DSCAM: variants seen among roughly 807,000 people sequenced by gnomAD.
DSCAM encodes cell adhesion molecule DSCAM.
In DSCAM, 47 loss-of-function variants were observed where a neutral mutation model predicts 217.7. That is an observed-to-expected ratio of 0.22 (90% CI 0.17 to 0.28). The LOEUF (loss-of-function observed/expected upper bound fraction) is 0.28. Among genes scored for constraint, DSCAM ranks in the 10% least tolerant of loss-of-function variants. The pLI, the probability that DSCAM is intolerant of heterozygous loss-of-function variation, is 1.00. For synonymous variants in DSCAM, 1,056 were observed against 1,015.3 expected, an observed-to-expected ratio of 1.04 and a Z score of -0.76; for missense variants, 2,080 against 2,618.3, an observed-to-expected ratio of 0.79 and a Z score of 4.49.
chr21:40,552,402 G>A (rs1276686173), intron 3 of DSCAM, among the ~76,000 whole-genome samples: 2 of 152,198 alleles, frequency 1.3e-5, no homozygotes, highest in African/African-American at 4.8e-5. Context: ...AAGAAGAGCT[G>A]CCTTTAGCAC....
intron 11 of DSCAM, among the ~76,000 whole-genome samples, chr21:40,208,755 A>G (rs2091152394): frequency 6.6e-6 from 1 of 152,130 alleles, no homozygotes; most frequent in Non-Finnish European, 1.5e-5. Context: ...CCTACACAAA[A>G]TCCCCTTGGG....
chr21:40,013,833 C>T (rs2837374), intron 32 of DSCAM, among the ~76,000 whole-genome samples: 46,008 of 152,068 alleles, frequency 0.3, 7,526 homozygotes, highest in Middle Eastern at 0.43. Context: ...GGCTCTCGTC[C>T]TGGCAATTCT....
intron 11 of DSCAM, among the ~76,000 whole-genome samples, chr21:40,267,102 C>T (rs2073548391): frequency 6.6e-6 from 1 of 151,708 alleles, no homozygotes; most frequent in African/African-American, 2.4e-5. Context: ...ATGATAGGTG[C>T]ATTAAAATCC....
chr21:40,435,966 A>G (rs2075578977), intron 3 of DSCAM, among the ~76,000 whole-genome samples: 2 of 152,216 alleles, frequency 1.3e-5, no homozygotes, highest in Admixed American at 1.3e-4. Context: ...AAAAACAACC[A>G]TGAGACATTC....
Position 40,142,692 on chromosome 21 carries a change from G to C in DSCAM, c.3272C>G (p.Pro1091Arg). The C allele has an allele frequency of 6.2e-7, 1 of 1,613,856 alleles. No individual in the cohort carries two copies. Among genetic ancestry groups the C allele is most frequent in the East Asian group, 2.2e-5 (1 of 44,884 alleles). ...TGCTATGGCTTGGACATTTTCGGGG[G>C]GGTAACTGGGCACTGAAATCAAATA... Reference protein sequence around the residue: ...TTTLEDVPSYPPENVQAIATS... With the variant: ...TTTLEDVPSYRPENVQAIATS... Residue 1091 changes from proline to arginine, a missense_variant, in exon 18 of 33, where the codon CCC (proline) becomes CGC (arginine). Physicochemically the swap from Pro to Arg is moderately radical, Grantham distance 103. Around this residue, in one of 5 missense-constraint regions of DSCAM, gnomAD observed 1,144 missense variants for 1,421.1 expected, o/e 0.81. Transcript: ENST00000400454.
chr21:40,144,964 C>T lies in DSCAM; in HGVS notation c.3019-233G>A, dbSNP rs2090337484. ...CTCCCAGCCCCTCTGAGCCACTGGACCGTCAATGGACACAGGAGGTCACCT... is the reference window on the plus strand; with the variant it reads ...CTCCCAGCCCCTCTGAGCCACTGGATCGTCAATGGACACAGGAGGTCACCT... On this transcript the variant is annotated intron_variant, in intron 16 of 32. Coordinates refer to ENST00000400454, the MANE Select transcript of DSCAM (RefSeq NM_001389.5). This position sits in a 1 kb window ranked among gnomAD's most constrained non-coding sequence, Gnocchi z 4.8. Among the ~76,000 whole-genome samples the T allele has an allele frequency of 1.3e-5, 2 of 152,190 alleles. No homozygotes were observed. Among genetic ancestry groups the T allele is most frequent in the South Asian group, 4.1e-4 (2 of 4,832 alleles).
intron 3 of DSCAM, among the ~76,000 whole-genome samples, chr21:40,436,229 C>T (rs1291846452): frequency 6.6e-6 from 1 of 152,146 alleles, no homozygotes; most frequent in Non-Finnish European, 1.5e-5. Context: ...GTCTCTGTAT[C>T]AATTGTAGTG....
intron 3 of DSCAM, among the ~76,000 whole-genome samples, chr21:40,413,541 C>T (rs1301681568): frequency 1.3e-5 from 2 of 152,206 alleles, no homozygotes; most frequent in Non-Finnish European, 2.9e-5. Context: ...TTGTTTTTGC[C>T]AATTTCTCCT....
intron 15 of DSCAM, among the ~76,000 whole-genome samples, chr21:40,171,208 G>C (rs1410421294): frequency 6.6e-6 from 1 of 152,148 alleles, no homozygotes; most frequent in Non-Finnish European, 1.5e-5. Context: ...CTCCCAAGTA[G>C]TTGGGATTAC....
At chr21:40,329,523 A>T (rs1480034544) in intron 8 of DSCAM, among the ~76,000 whole-genome samples, 1 of 151,950 alleles carries the variant, frequency 6.6e-6, no homozygotes, top group East Asian at 1.9e-4. Flanking sequence ...CTGAGGCAGG[A>T]GAATCACTTG....
intron 1 of DSCAM, among the ~76,000 whole-genome samples, chr21:40,755,683 C>G (rs1423303033): frequency 6.6e-6 from 1 of 152,078 alleles, no homozygotes; most frequent in Non-Finnish European, 1.5e-5. Flanking sequence ...CCTGGCCCCC[C>G]AAGGTATAGG....
At chr21:40,164,836 G>A (rs914714143) in intron 16 of DSCAM, among the ~76,000 whole-genome samples, 1 of 152,000 alleles carries the variant, frequency 6.6e-6, no homozygotes, top group East Asian at 1.9e-4. Flanking sequence ...AAATAAAAGT[G>A]GAAAGTTGCT....
intron 3 of DSCAM, among the ~76,000 whole-genome samples, chr21:40,627,938 G>A (rs1337522823): frequency 6.6e-6 from 1 of 152,140 alleles, no homozygotes; most frequent in Admixed American, 6.5e-5. Flanking sequence ...ACCCTGCTGG[G>A]AAGGGTAGAA....
intron 11 of DSCAM, among the ~76,000 whole-genome samples, chr21:40,202,594 T>G (rs1254379156): frequency 3.3e-5 from 5 of 152,242 alleles, no homozygotes; most frequent in Non-Finnish European, 7.3e-5. Flanking sequence ...TACAAGCTAA[T>G]AGCTCTTTAG....
intron 3 of DSCAM, among the ~76,000 whole-genome samples, chr21:40,489,972 G>A (rs2076063519): frequency 6.6e-6 from 1 of 152,042 alleles, no homozygotes; most frequent in African/African-American, 2.4e-5. Flanking sequence ...ATCAGAGACT[G>A]GGTAATTTAT....
At chr21:40,528,897 A>ATTTTTTTT (rs2076420785) in intron 3 of DSCAM, among the ~76,000 whole-genome samples, 1 of 93,980 alleles carries the variant, frequency 1.1e-5, no homozygotes, top group Non-Finnish European at 2.0e-5. Context: ...CAGGCTTTCC[A>ATTTTTTTT]CTTTTTTTTT....
chr21:40,558,919 G>A (rs2076694046), intron 3 of DSCAM, among the ~76,000 whole-genome samples: 1 of 152,188 alleles, frequency 6.6e-6, no homozygotes. Flanking sequence ...GATCTGATAA[G>A]CATGCAGAAA....
rs1372156269 is a variant in DSCAM, at chr21:40,127,364, C to T, written c.3563-3036G>A. Among the ~76,000 whole-genome samples, 3 of 152,310 alleles carry T rather than the reference C, an allele frequency of 2.0e-5. No individual in the cohort carries two copies. The East Asian group carries it at 5.8e-4, about 29-fold the overall frequency. Reference sequence around the variant, plus strand: ...GGAGTAAAAAACGGTATATGTCTGTCTGGGACATATTTTCTTGAAACATTC... The same window carrying T: ...GGAGTAAAAAACGGTATATGTCTGTTTGGGACATATTTTCTTGAAACATTC... On this transcript the variant is annotated intron_variant, in intron 19 of 32. Coordinates refer to ENST00000400454, the MANE Select transcript of DSCAM (RefSeq NM_001389.5).
chr21:40,435,918 G>A (rs2075578745), intron 3 of DSCAM, among the ~76,000 whole-genome samples: 1 of 152,172 alleles, frequency 6.6e-6, no homozygotes, highest in East Asian at 1.9e-4. Flanking sequence ...CTGAGCAGCA[G>A]CAGGGTGCCA....
Sources: allele counts gnomAD v4.1 joint callset (sites outside exome capture counted in the v4.1 genomes callset), GRCh38; gene constraint gnomAD v4.1.1; regional missense constraint gnomAD v4.1.1; non-coding constraint Gnocchi (gnomAD v3.1); transcripts MANE v1.5; gene names NCBI Gene and HGNC (gene_info 2026-07-23, HGNC 2026-07-21).